The following COL4A1 variants were observed in gnomAD, a reference collection of about 807,000 sequenced individuals.
The protein encoded by COL4A1 is collagen type IV alpha 1 chain, also known as collagen alpha-1(IV) chain.
Under a neutral mutation model 216.6 loss-of-function variants are expected in COL4A1, and 40 were observed. The observed-to-expected ratio is 0.18, with a 90% CI of 0.14 to 0.24. The LOEUF (loss-of-function observed/expected upper bound fraction) is 0.24, where lower values mean the gene tolerates loss of function less well. COL4A1 is among the 10% of genes least tolerant of loss of function. The pLI, the probability that COL4A1 is intolerant of heterozygous loss-of-function variation, is 1.00. For missense variants in COL4A1, 1,628 were observed against 2,196.8 expected (o/e 0.74, Z 5.18); for synonymous variants, 839 against 810.7 (o/e 1.03, Z -0.59).
rs758566775 is a variant in COL4A1, at chr13:110,179,295, G to T, written c.2320C>A (p.Pro774Thr). 1 of 1,614,126 alleles carries T rather than the reference G, an allele frequency of 6.2e-7. No homozygotes were observed. Among genetic ancestry groups the T allele is most frequent in the African/African-American group, 1.3e-5 (1 of 75,024 alleles). ...CCTCTGATCCCCTGAAGCCCAGGGG[G>T]TCCGATCGCTCCATGTTCTCCAGGA... Reference protein sequence around the residue: ...GVPGEHGAIGPPGLQGIRGEP... With the variant: ...GVPGEHGAIGTPGLQGIRGEP... The change falls in exon 30 of 52, where the codon CCC (proline) becomes ACC (threonine). Residue 774 changes from proline (P) to threonine (T), a missense_variant. Around this residue, in one of 8 missense-constraint regions of COL4A1, gnomAD observed 701 missense variants for 892.5 expected, o/e 0.79. Transcript: ENST00000375820.
At chr13:110,166,178 T>C in intron 45 of COL4A1, 54 bp downstream of exon 45, 1 of 1,100,782 alleles carries the variant, frequency 9.1e-7, no homozygotes, top group Non-Finnish European at 1.4e-6. Context: ...TTCCTGGCTT[T>C]TACATTTTCA....
chr13:110,169,739 G>C lies in COL4A1; in HGVS notation c.3766C>G (p.Pro1256Ala). 1 of 1,613,986 alleles carries C rather than the reference G, an allele frequency of 6.2e-7. No individual in the cohort carries two copies. The highest frequency in any genetic ancestry group is 1.3e-5 in the African/African-American group (1 of 74,956). ...LPGLPGPMGP[P>A]GLPGIDGVKG... ...ACTCCATCAATCCCAGGAAGCCCTGGAGGCCCCATGGGTCCCGGAAGTCCT... is the reference window on the plus strand; with the variant it reads ...ACTCCATCAATCCCAGGAAGCCCTGCAGGCCCCATGGGTCCCGGAAGTCCT... Residue 1256 changes from proline to alanine, a missense_variant, in exon 43 of 52, where the codon CCA becomes GCA. Physicochemically the swap from Pro to Ala is conservative, Grantham distance 27 (BLOSUM62 -1). Coordinates refer to ENST00000375820, the MANE Select transcript of COL4A1 (RefSeq NM_001845.6).
intron 2 of COL4A1, among the ~76,000 whole-genome samples, chr13:110,224,734 A>G (rs1181813079): frequency 1.3e-5 from 2 of 152,230 alleles, no homozygotes; most frequent in Non-Finnish European, 2.9e-5. Context: ...AAAAATGCCA[A>G]TTAGTGCCTA....
chr13:110,252,836 T>C (rs1882215931), intron 1 of COL4A1, among the ~76,000 whole-genome samples: 1 of 134,158 alleles, frequency 7.5e-6, no homozygotes, highest in South Asian at 2.4e-4. Context: ...GTATTACATA[T>C]ACAGATAACT....
At position 110,163,725 on chromosome 13, in the gene COL4A1, AG is replaced by A. The variant is rs146941348; in HGVS notation, c.4151-165del. Reference sequence around the variant, plus strand: ...CCAGGAGTTGCTTCCCACAAAGTCGAGTACAGACTTTGCAGAAGCAGCTGGA... The same window carrying A: ...CCAGGAGTTGCTTCCCACAAAGTCGATACAGACTTTGCAGAAGCAGCTGGA... On this transcript the variant is annotated intron_variant, in intron 46 of 51. Coordinates refer to ENST00000375820, the MANE Select transcript of COL4A1 (RefSeq NM_001845.6). 0.016 allele frequency among the ~76,000 whole-genome samples: 2,395 copies of A among 152,256 alleles called. 79 individuals are homozygous for A. The highest frequency in any genetic ancestry group is 0.055 in the African/African-American group (2,301 of 41,532).
At chr13:110,219,862 A>G (rs931651392) in intron 2 of COL4A1, among the ~76,000 whole-genome samples, 5 of 98,940 alleles carry the variant, frequency 5.1e-5, no homozygotes, top group Admixed American at 1.1e-4. Flanking sequence ...ATATGTATAT[A>G]TGTGTGTGTA....
intron 1 of COL4A1, among the ~76,000 whole-genome samples, chr13:110,294,067 TCCAGGTTTGAGTAGGCG>T (rs1276036385): frequency 6.6e-6 from 1 of 152,136 alleles, no homozygotes; most frequent in Non-Finnish European, 1.5e-5. Context: ...CCAGAACTCC[TCCAGGTTTGAGTAGGCG>T]CTGAGCTGGA....
intron 49 of COL4A1, among the ~76,000 whole-genome samples, chr13:110,157,465 T>C (rs1876838870): frequency 6.6e-6 from 1 of 152,208 alleles, no homozygotes; most frequent in South Asian, 2.1e-4. Flanking sequence ...TGAGAAGTCG[T>C]GGAAACCACT....
At chr13:110,162,628 T>C (rs1877137734) in intron 47 of COL4A1, among the ~76,000 whole-genome samples, 186 bp from the exon 48 acceptor site, 1 of 152,160 alleles carries the variant, frequency 6.6e-6, no homozygotes, top group African/African-American at 2.4e-5. Flanking sequence ...ACCTCCTTCA[T>C]GGTGTCTTAA....
intron 34 of COL4A1, 39 bp from the exon 35 acceptor site, chr13:110,176,763 G>T: frequency 6.2e-7 from 1 of 1,613,344 alleles, no homozygotes; most frequent in Non-Finnish European, 8.5e-7. Flanking sequence ...ACCCGCATTT[G>T]CTTGCAAGCA....
At position 110,246,935 on chromosome 13, in the gene COL4A1, G is replaced by A. The variant is rs1242991796; in HGVS notation, c.85-4201C>T. On this transcript the variant is annotated intron_variant, in intron 1 of 51. Coordinates refer to ENST00000375820, the MANE Select transcript of COL4A1 (RefSeq NM_001845.6). The stretch of plus-strand genomic sequence containing the variant: ...TCACGAAGGCAGTCTCCACTTGGAA[G>A]ACGGGGAATATGGCTGGGAGTTCTC... Among the ~76,000 whole-genome samples, 8 of 152,310 alleles carry A rather than the reference G, an allele frequency of 5.3e-5. No homozygotes were observed. The East Asian group carries it at 1.4e-3, about 26-fold the overall frequency.
chr13:110,298,358 CAAG>C (rs1264803259), intron 1 of COL4A1, among the ~76,000 whole-genome samples: 2 of 152,160 alleles, frequency 1.3e-5, no homozygotes, highest in African/African-American at 4.8e-5. Flanking sequence ...AGAAATCTTT[CAAG>C]AAGATCGCCC....
chr13:110,267,262 G>A (rs1457693686), intron 1 of COL4A1, among the ~76,000 whole-genome samples: 1 of 152,326 alleles, frequency 6.6e-6, no homozygotes, highest in African/African-American at 2.4e-5. Context: ...GCATGACCCA[G>A]TGGAGGGAGG....
At chr13:110,289,847 T>C (rs1884014047) in intron 1 of COL4A1, among the ~76,000 whole-genome samples, 1 of 152,194 alleles carries the variant, frequency 6.6e-6, no homozygotes, top group South Asian at 2.1e-4. Context: ...CTTCTTCCTC[T>C]GTCTTCCAAC....
intron 1 of COL4A1, among the ~76,000 whole-genome samples, chr13:110,302,090 C>T (rs116909557): frequency 2.0e-5 from 3 of 152,032 alleles, no homozygotes; most frequent in Middle Eastern, 3.2e-3. Context: ...GAGTCCCAGC[C>T]GTGGGAAGGG....
At chr13:110,287,434 T>C (rs569373071) in intron 1 of COL4A1, among the ~76,000 whole-genome samples, 55 of 152,340 alleles carry the variant, frequency 3.6e-4, no homozygotes, top group African/African-American at 1.2e-3. Flanking sequence ...CTTTGTGAAG[T>C]TCCCGGTTCC....
At chr13:110,153,142 C>T (rs1050584496) in intron 50 of COL4A1, among the ~76,000 whole-genome samples, 4 of 152,142 alleles carry the variant, frequency 2.6e-5, no homozygotes, top group South Asian at 2.1e-4. Context: ...CAACAGAGCC[C>T]CGTGACTATT....
chr13:110,251,340 C>G (rs1259652249), intron 1 of COL4A1, among the ~76,000 whole-genome samples: 4 of 152,242 alleles, frequency 2.6e-5, no homozygotes, highest in Non-Finnish European at 5.9e-5. Flanking sequence ...GGCCCCATGC[C>G]CAAGACTAGG....
chr13:110,267,895 A>G (rs1883102363), intron 1 of COL4A1, among the ~76,000 whole-genome samples: 1 of 152,184 alleles, frequency 6.6e-6, no homozygotes, highest in South Asian at 2.1e-4. Flanking sequence ...TTATGTATAC[A>G]TAAAAAATAT....
Sources: gnomAD v4.1 joint callset for allele counts (sites outside exome capture counted in the v4.1 genomes callset) on GRCh38, gnomAD v4.1.1 for gene constraint, gnomAD v4.1.1 regional missense constraint, MANE v1.5 for transcripts, NCBI Gene and HGNC (gene_info 2026-07-23, HGNC 2026-07-21) for gene names.